Variants in ZNF600 observed in about 807,000 individuals in gnomAD.
ZNF600 encodes the protein zinc finger protein KR-ZNF1.
A neutral mutation model predicts 7.3 loss-of-function variants in ZNF600; 4 were observed. The ratio of observed to expected loss-of-function variants is 0.55; its 90% confidence interval spans 0.27 to 1.25. ZNF600 has a LOEUF of 1.25. Ranked by LOEUF, ZNF600 falls within the 50% of genes most tolerant of loss-of-function variation. The pLI is 0.12. For synonymous variants in ZNF600, 290 were observed against 308.9 expected, an observed-to-expected ratio of 0.94 and a Z score of 0.64; for missense variants, 911 against 922.1, an observed-to-expected ratio of 0.99 and a Z score of 0.16.
intron 2 of ZNF600, among the ~76,000 whole-genome samples, chr19:52,775,379 G>A (rs545098327): frequency 2.0e-5 from 3 of 152,154 alleles, no homozygotes; most frequent in Non-Finnish European, 2.9e-5. Context: ...GCAAAACCAT[G>A]TCTCTACTAA....
exon 4 of ZNF600, chr19:52,767,023 A>G: frequency 6.2e-7 from 1 of 1,614,066 alleles, no homozygotes; most frequent in Non-Finnish European, 8.5e-7. Flanking sequence ...CACTTGTGAG[A>G]TTTTACTGCA....
intron 2 of ZNF600, among the ~76,000 whole-genome samples, chr19:52,778,010 C>CT (rs1600391515): frequency 3.0e-5 from 4 of 132,138 alleles, no homozygotes; most frequent in East Asian, 5.1e-4. Context: ...GACACCTTCT[C>CT]CCTCTCTCTC....
At chr19:52,783,547 G>A (rs1459362657) in intron 1 of ZNF600, among the ~76,000 whole-genome samples, 1 of 152,004 alleles carries the variant, frequency 6.6e-6, no homozygotes, top group Non-Finnish European at 1.5e-5. Flanking sequence ...TTTCTTAGTA[G>A]AGACAGGGTT....
chr19:52,767,698 T>A, exon 4 of ZNF600: 2 of 1,613,468 alleles, frequency 1.2e-6, no homozygotes, highest in South Asian at 1.1e-5. Flanking sequence ...CTTTGCAATG[T>A]CCCTGTGTGG....
At chr19:52,766,261 T>G (rs2062575217) in exon 4 of ZNF600, 2 of 1,614,180 alleles carry the variant, frequency 1.2e-6, no homozygotes, top group East Asian at 4.5e-5. Context: ...TCATTACACT[T>G]GTAAGGTTTC....
chr19:52,783,943 G>A (rs59655771), intron 1 of ZNF600, among the ~76,000 whole-genome samples: 11 of 152,176 alleles, frequency 7.2e-5, no homozygotes, highest in African/African-American at 1.9e-4. Flanking sequence ...GCGTGGTGGC[G>A]CATGCCAGTA....
chr19:52,822,985 G>C, the ZNF600 span, among the ~76,000 whole-genome samples: 1 of 152,272 alleles, frequency 6.6e-6, no homozygotes, highest in African/African-American at 2.4e-5. Context: ...TTCACACACA[G>C]GGAAAGACAG....
intron 1 of ZNF600, among the ~76,000 whole-genome samples, chr19:52,784,307 G>A (rs1240014294): frequency 6.6e-6 from 1 of 152,208 alleles, no homozygotes; most frequent in Non-Finnish European, 1.5e-5. Flanking sequence ...TAGAGAGACT[G>A]AGGGAGGAGG....
the ZNF600 span, chr19:52,799,324 C>A: frequency 3.0e-5 from 13 of 430,754 alleles, no homozygotes; most frequent in Non-Finnish European, 5.2e-5. Context: ...GAATTATATT[C>A]AAAAATCTTG....
At chr19:52,775,159 G>A (rs897444052) in intron 2 of ZNF600, among the ~76,000 whole-genome samples, 1 of 152,096 alleles carries the variant, frequency 6.6e-6, no homozygotes, top group African/African-American at 2.4e-5. Context: ...AGAATCACTT[G>A]AACCCAGGAG....
the ZNF600 span, among the ~76,000 whole-genome samples, chr19:52,820,397 G>T: frequency 4.2e-5 from 6 of 143,258 alleles, no homozygotes; most frequent in East Asian, 1.2e-3. Context: ...GATTACAGGC[G>T]TGAGCCACCG....
chr19:52,765,782 T>C (rs774262436), exon 4 of ZNF600: 1 of 1,613,886 alleles, frequency 6.2e-7, no homozygotes, highest in South Asian at 1.1e-5. Flanking sequence ...CAGGATGAAT[T>C]CTCCTATGTC....
chr19:52,802,955 G>T, the ZNF600 span, among the ~76,000 whole-genome samples: 6 of 151,790 alleles, frequency 4.0e-5, no homozygotes, highest in Non-Finnish European at 7.4e-5. Context: ...TAGAGACAGG[G>T]TTTCACTGTG....
exon 4 of ZNF600, chr19:52,765,333 C>A: frequency 1.4e-6 from 1 of 714,078 alleles, no homozygotes; most frequent in Non-Finnish European, 2.6e-6. Flanking sequence ...ACAATCATCA[C>A]ACATGTGAGG....
At chr19:52,796,753 C>T in the ZNF600 span, among the ~76,000 whole-genome samples, 1 of 152,156 alleles carries the variant, frequency 6.6e-6, no homozygotes, top group African/African-American at 2.4e-5. Context: ...CAGGCCTGAG[C>T]CACTGCATCT....
At chr19:52,770,597 G>T (rs1413518316) in intron 3 of ZNF600, among the ~76,000 whole-genome samples, 1 of 151,818 alleles carries the variant, frequency 6.6e-6, no homozygotes, top group Non-Finnish European at 1.5e-5. Context: ...AACATAGAAT[G>T]TGTACTGGGA....
the ZNF600 span, among the ~76,000 whole-genome samples, chr19:52,820,592 T>C: frequency 6.6e-6 from 1 of 151,926 alleles, no homozygotes; most frequent in Non-Finnish European, 1.5e-5. Context: ...GCTGTGCTTC[T>C]CCCTCTGTTC....
At chr19:52,797,083 A>C in the ZNF600 span, among the ~76,000 whole-genome samples, 4 of 152,262 alleles carry the variant, frequency 2.6e-5, no homozygotes, top group South Asian at 8.3e-4. Context: ...GGTTCAACAT[A>C]TTCAAGCAAA....
At chr19:52,810,656 G>T in the ZNF600 span, 4 of 1,153,154 alleles carry the variant, frequency 3.5e-6, no homozygotes, top group Non-Finnish European at 3.9e-6. Context: ...AGGCTCTGGG[G>T]TCGCGTCTAC....
Sources: allele counts gnomAD v4.1 joint callset (sites outside exome capture counted in the v4.1 genomes callset), GRCh38; gene constraint gnomAD v4.1.1; transcripts MANE v1.5; gene names NCBI Gene and HGNC (gene_info 2026-07-23, HGNC 2026-07-21).